Variants in ATP6V1C2 observed in about 807,000 individuals in gnomAD.
The protein encoded by ATP6V1C2 is V-type proton ATPase subunit C 2.
Under a neutral mutation model 56.8 loss-of-function variants are expected in ATP6V1C2, and 45 were observed. The ratio of observed to expected loss-of-function variants is 0.79; its 90% CI spans 0.62 to 1.02. ATP6V1C2 has a LOEUF of 1.02. ATP6V1C2 is among the 50% of genes least tolerant of loss of function. The pLI, the probability that ATP6V1C2 is intolerant of heterozygous loss-of-function variation, is 0.00. For missense variants in ATP6V1C2, 463 were observed against 519.7 expected, an observed-to-expected ratio of 0.89 and a Z score of 1.06; for synonymous variants, 220 against 201.3, an observed-to-expected ratio of 1.09 and a Z score of -0.79.
intron 4 of ATP6V1C2, among the ~76,000 whole-genome samples, chr2:10,754,940 T>C (rs1340551371): frequency 6.6e-6 from 1 of 151,914 alleles, no homozygotes; most frequent in African/African-American, 2.4e-5. Flanking sequence ...TGATCATAGC[T>C]CACTGCAGCC....
intron 10 of ATP6V1C2, 40 bp from the exon 11 acceptor site, chr2:10,777,545 T>G (rs1272039118): frequency 1.3e-6 from 2 of 1,597,918 alleles, no homozygotes; most frequent in African/African-American, 2.7e-5. Context: ...TTGTGATGCA[T>G]GTTTGCTGAA....
At chr2:10,755,279 G>A (rs901356719) in intron 4 of ATP6V1C2, among the ~76,000 whole-genome samples, 29 of 151,770 alleles carry the variant, frequency 1.9e-4, no homozygotes, top group African/African-American at 6.5e-4. Flanking sequence ...CAGGTGATCC[G>A]CCCGCCCTGG....
intron 8 of ATP6V1C2, among the ~76,000 whole-genome samples, chr2:10,773,854 G>A (rs1664786478): frequency 6.6e-6 from 1 of 152,242 alleles, no homozygotes; most frequent in Non-Finnish European, 1.5e-5. Flanking sequence ...GATCTCCCAG[G>A]GCTACGAGAT....
In ATP6V1C2 at chr2:10,777,723, G is replaced by A; in HGVS notation, c.963+1G>A. 1 of 1,606,682 alleles carries A rather than the reference G, an allele frequency of 6.2e-7. No homozygotes were observed. Among genetic ancestry groups the A allele is most frequent in the Non-Finnish European group, 8.5e-7 (1 of 1,177,874 alleles). On this transcript the variant is annotated splice_donor_variant, in intron 11 of 13. Transcript: ENST00000272238. LOFTEE classifies it high-confidence loss of function. ...GAGAGAGAGTGAGGGCGAGGGTGAG[G>A]TAAGCAACGCCCCGGGAACCCCGGG... is the stretch of plus-strand genomic sequence containing the variant.
At chr2:10,768,571 A>G (rs1664378482) in intron 5 of ATP6V1C2, 148 bp from the exon 6 acceptor site, 2 of 661,580 alleles carry the variant, frequency 3.0e-6, no homozygotes, top group Non-Finnish European at 2.6e-6. Flanking sequence ...TGGAAGGGCC[A>G]AATGCTGGTA....
intron 3 of ATP6V1C2, among the ~76,000 whole-genome samples, chr2:10,736,724 A>G (rs1231815338): frequency 6.6e-6 from 1 of 151,258 alleles, no homozygotes; most frequent in Non-Finnish European, 1.5e-5. Context: ...GCTAACAGCA[A>G]TGAAGTTTTC....
In ATP6V1C2 at chr2:10,763,569, C is replaced by T. The variant is rs978881299; in HGVS notation, c.284-762C>T. ...CACAGGGAGCCTAGGCTGGGACATC[C>T]GCCATGGGAAGGGCCCTCTGCCAGG... On this transcript the variant is annotated intron_variant, in intron 4 of 13. Transcript: ENST00000272238. The surrounding 1 kb of genome is among the most constrained non-coding windows in gnomAD (Gnocchi z 4.2). 1.7e-4 allele frequency among the ~76,000 whole-genome samples: 26 copies of T among 152,298 alleles called. No individual in the cohort carries two copies. Among genetic ancestry groups the T allele is most frequent in the African/African-American group, 5.5e-4 (23 of 41,558 alleles).
At position 10,722,359 on chromosome 2, in the gene ATP6V1C2, T is replaced by A. The variant is rs1426787363; in HGVS notation, c.-26-465T>A. On this transcript the variant is annotated intron_variant, in intron 1 of 13. Coordinates refer to ENST00000272238, the MANE Select transcript of ATP6V1C2 (RefSeq NM_001039362.2). Reference sequence around the variant, plus strand: ...AGTCTATTTTTAAAGCTAATACCAATCACAAGGTTGGCCAGTTTGACCTGC... The same window carrying A: ...AGTCTATTTTTAAAGCTAATACCAAACACAAGGTTGGCCAGTTTGACCTGC... Among the ~76,000 whole-genome samples, 3 of 152,046 alleles carry A rather than the reference T, an allele frequency of 2.0e-5. No homozygotes were observed. In the East Asian group the frequency reaches 5.8e-4, roughly 29 times the overall value.
chr2:10,768,690 C>T, intron 5 of ATP6V1C2, 29 bp from the exon 6 acceptor site: 2 of 1,593,554 alleles, frequency 1.3e-6, no homozygotes, highest in Non-Finnish European at 1.7e-6. Context: ...TGCTCAGGGT[C>T]ACCTGGAGCT....
In ATP6V1C2 at chr2:10,743,772, G is replaced by T. The variant is rs1034627282; in HGVS notation, c.198-10209G>T. Among the ~76,000 whole-genome samples the T allele has an allele frequency of 7.9e-5, 12 of 151,952 alleles. No individual in the cohort carries two copies. In the South Asian group the frequency reaches 2.5e-3, roughly 32 times the overall value. ...GGCCGAGGTGGGTGGATCACTTGAG[G>T]TCAGGAGCTCAAGACCAGCCTGGCT... On this transcript the variant is annotated intron_variant, in intron 3 of 13. Transcript: ENST00000272238.
chr2:10,779,137 T>A (rs571231252), intron 12 of ATP6V1C2, among the ~76,000 whole-genome samples: 5 of 151,424 alleles, frequency 3.3e-5, no homozygotes, highest in Admixed American at 2.6e-4. Flanking sequence ...GGAGTTTCAC[T>A]CTTGTCGCCC....
At chr2:10,761,171 G>A (rs1016908364) in intron 4 of ATP6V1C2, among the ~76,000 whole-genome samples, 4 of 152,158 alleles carry the variant, frequency 2.6e-5, no homozygotes, top group Admixed American at 2.6e-4. Flanking sequence ...TGAGAGGAGA[G>A]TAGGGAGTTG....
In ATP6V1C2 at chr2:10,784,382, TCAA is replaced by T. The variant is rs1665594505; in HGVS notation, c.*1122_*1124del. Reference sequence around the variant, plus strand: ...CTGCAGAAGGGGACACCCTGGAAGGTCAACATCTCATTTTATGGAAGAGCGACT... The same window carrying T: ...CTGCAGAAGGGGACACCCTGGAAGGTCATCTCATTTTATGGAAGAGCGACT... On this transcript the variant is annotated 3_prime_UTR_variant, in exon 14 of 14. Transcript: ENST00000272238. 7.1e-7 allele frequency: 1 copy of T among 1,407,964 alleles called. No homozygotes were observed. The allele number at this position is 1,407,964 out of a possible 1,614,324, so 87.2% of individuals were successfully genotyped here. A position where few individuals can be genotyped will look rare whatever the true frequency, so the allele number is the denominator to read the frequency against.
chr2:10,784,293 C>T lies in ATP6V1C2; in HGVS notation c.*1030C>T. 13 of 1,613,582 alleles carry T rather than the reference C, an allele frequency of 8.1e-6. No individual in the cohort carries two copies. The highest frequency in any genetic ancestry group is 1.1e-5 in the Non-Finnish European group (13 of 1,179,908). ...TCTTTCCCTAAGTCATCAAGCTCCA[C>T]ATCACTGAGGTCAATGTCATCCTCC... On this transcript the variant is annotated 3_prime_UTR_variant, in exon 14 of 14. Coordinates refer to ENST00000272238, the MANE Select transcript of ATP6V1C2 (RefSeq NM_001039362.2).
At chr2:10,771,766 G>A (rs1430387742) in intron 6 of ATP6V1C2, 73 bp from the exon 7 acceptor site, 37 of 1,198,982 alleles carry the variant, frequency 3.1e-5, no homozygotes, top group African/African-American at 4.5e-5. Flanking sequence ...GTGCCCGGGT[G>A]TGGGTGTGTG....
At chr2:10,755,864 C>T (rs1663524423) in intron 4 of ATP6V1C2, among the ~76,000 whole-genome samples, 1 of 152,194 alleles carries the variant, frequency 6.6e-6, no homozygotes, top group Non-Finnish European at 1.5e-5. Context: ...GGAATGTCTG[C>T]CTCGTTCGTG....
chr2:10,780,094 C>T lies in ATP6V1C2; in HGVS notation c.1061+1425C>T, dbSNP rs1665258679. Among the ~76,000 whole-genome samples, 1 of 152,078 alleles carries T rather than the reference C, an allele frequency of 6.6e-6. No individual in the cohort carries two copies. Among genetic ancestry groups the T allele is most frequent in the African/African-American group, 2.4e-5 (1 of 41,422 alleles). ...CCCTGCCGTCCCCCTGGCTGATGTC[C>T]CCTACTTTCCCTCGTTTTCCTGCCC... On this transcript the variant is annotated intron_variant, in intron 12 of 13. Transcript: ENST00000272238. The surrounding 1 kb of genome is among the most constrained non-coding windows in gnomAD (Gnocchi z 4.1).
intron 10 of ATP6V1C2, 54 bp downstream of exon 10, chr2:10,775,125 G>C (rs1437680363): frequency 7.3e-7 from 1 of 1,378,466 alleles, no homozygotes. Flanking sequence ...CCTGGGGATA[G>C]AAGAGTCCTC....
intron 2 of ATP6V1C2, among the ~76,000 whole-genome samples, chr2:10,724,583 C>T (rs1227651865): frequency 6.6e-6 from 1 of 152,048 alleles, no homozygotes; most frequent in Non-Finnish European, 1.5e-5. Context: ...AAAGAAGACA[C>T]AGCCCCTGCA....
Sources: allele counts gnomAD v4.1 joint callset (sites outside exome capture counted in the v4.1 genomes callset), GRCh38; gene constraint gnomAD v4.1.1; non-coding constraint Gnocchi (gnomAD v3.1); transcripts MANE v1.5; gene names NCBI Gene and HGNC (gene_info 2026-07-23, HGNC 2026-07-21).